GRIA1: variants seen among roughly 807,000 people sequenced by gnomAD.
GRIA1 encodes the protein glutamate ionotropic receptor AMPA type subunit 1.
Under a neutral mutation model 99.2 loss-of-function variants are expected in GRIA1, and 31 were observed. The ratio of observed to expected loss-of-function variants is 0.31; its 90% CI spans 0.23 to 0.42. GRIA1 has a LOEUF of 0.42. GRIA1 is among the 10% of genes least tolerant of loss of function. The pLI is 1.00. For synonymous variants in GRIA1, 438 were observed against 432.4 expected (o/e 1.01, Z -0.16); for missense variants, 782 against 1,157.5 (o/e 0.68, Z 4.71).
At chr5:153,519,307 C>A (rs541410176) in intron 2 of GRIA1, among the ~76,000 whole-genome samples, 1 of 151,950 alleles carries the variant, frequency 6.6e-6, no homozygotes, top group Non-Finnish European at 1.5e-5. Context: ...GGTCTCAGGC[C>A]GGACCTCCTG....
At chr5:153,570,136 T>C (rs1341419897) in intron 2 of GRIA1, among the ~76,000 whole-genome samples, 2 of 152,238 alleles carry the variant, frequency 1.3e-5, no homozygotes, top group East Asian at 3.8e-4. Flanking sequence ...AAATATTTTC[T>C]GTTTCTGTTC....
chr5:153,525,282 TG>T (rs1468010251), intron 2 of GRIA1: 1 of 152,260 alleles, frequency 6.6e-6, no homozygotes, highest in Non-Finnish European at 1.5e-5. Context: ...AACTCAGGAC[TG>T]GAGAACTACT....
chr5:153,563,174 CA>C (rs1167715880), intron 2 of GRIA1, among the ~76,000 whole-genome samples: 21,041 of 89,362 alleles, frequency 0.24, 1,359 homozygotes, highest in African/African-American at 0.29. Flanking sequence ...GACTCTGTCT[CA>C]AAAAAAAAAA....
chr5:153,649,654 G>T (rs1381711154), intron 3 of GRIA1, among the ~76,000 whole-genome samples: 3 of 151,992 alleles, frequency 2.0e-5, no homozygotes, highest in Non-Finnish European at 4.4e-5. Context: ...TAGAGATGGG[G>T]TTTCATCATG....
In GRIA1 at chr5:153,698,969, G is replaced by A; in HGVS notation, c.1348G>A (p.Val450Met). Residue 450 changes from valine to methionine, a missense_variant, in exon 10 of 16, where the codon GTG becomes ATG. Val to Met is a conservative substitution (Grantham distance 21, BLOSUM62 1). This residue lies in a region of GRIA1 where 87 missense variants were observed against 184.5 expected (regional missense o/e 0.47). Coordinates refer to ENST00000285900, the MANE Select transcript of GRIA1 (RefSeq NM_000827.4). ...VELAAEIAKHVGYSYRLEIVS... is the reference protein window; with the variant it reads ...VELAAEIAKHMGYSYRLEIVS... ...GCTGGCGGCAGAGATTGCCAAGCAC[G>A]TGGGCTACTCCTACCGTCTGGAGAT... The A allele has an allele frequency of 3.7e-6, 6 of 1,612,552 alleles. No individual in the cohort carries two copies. Among genetic ancestry groups the A allele is most frequent in the East Asian group, 2.2e-5 (1 of 44,764 alleles).
chr5:153,531,652 A>C (rs1407610206), intron 2 of GRIA1, among the ~76,000 whole-genome samples: 2 of 152,240 alleles, frequency 1.3e-5, no homozygotes, highest in Non-Finnish European at 2.9e-5. Context: ...CTAGAGGTAC[A>C]TAAGCAGAAG....
At chr5:153,531,619 A>C (rs1581184976) in intron 2 of GRIA1, among the ~76,000 whole-genome samples, 1 of 152,326 alleles carries the variant, frequency 6.6e-6, no homozygotes, top group East Asian at 1.9e-4. Context: ...GCACTTCCTC[A>C]GTAGGTACTA....
Position 153,685,033 on chromosome 5 carries a change from C to T in GRIA1, c.1030-1192C>T, listed in dbSNP as rs373115599. On this transcript the variant is annotated intron_variant, in intron 7 of 15. Transcript: ENST00000285900. Reference sequence around the variant, plus strand: ...CCCCAACTCTTCTTATACGTTCTAACAACAGAGGAGCTAGCCACTGTCAGA... The same window carrying T: ...CCCCAACTCTTCTTATACGTTCTAATAACAGAGGAGCTAGCCACTGTCAGA... Among the ~76,000 whole-genome samples, 77 of 152,312 alleles carry T rather than the reference C, an allele frequency of 5.1e-4. No homozygotes were observed. In the South Asian group the frequency reaches 0.015, roughly 30 times the overall value.
At chr5:153,724,426 G>C (rs1399986053) in intron 11 of GRIA1, among the ~76,000 whole-genome samples, 1 of 152,192 alleles carries the variant, frequency 6.6e-6, no homozygotes, top group Admixed American at 6.5e-5. Context: ...AGAGAGGAAG[G>C]CTTCAGACGA....
chr5:153,655,626 C>T (rs1299165475), intron 4 of GRIA1, among the ~76,000 whole-genome samples, 193 bp from the exon 5 acceptor site: 1 of 152,106 alleles, frequency 6.6e-6, no homozygotes, highest in Non-Finnish European at 1.5e-5. Flanking sequence ...AATAGGCAGT[C>T]CATGCCTATT....
At chr5:153,693,892 T>G (rs1466800334) in intron 8 of GRIA1, among the ~76,000 whole-genome samples, 2 of 152,230 alleles carry the variant, frequency 1.3e-5, no homozygotes, top group East Asian at 3.8e-4. Flanking sequence ...GTGCAATGTC[T>G]GTTCAAAAAT....
intron 2 of GRIA1, among the ~76,000 whole-genome samples, chr5:153,640,637 A>G (rs1753720038): frequency 6.6e-6 from 1 of 152,234 alleles, no homozygotes; most frequent in South Asian, 2.1e-4. Context: ...AATAGCAGTT[A>G]TGATCATTTA....
chr5:153,687,810 T>G (rs1454070886), intron 8 of GRIA1, among the ~76,000 whole-genome samples: 1 of 152,218 alleles, frequency 6.6e-6, no homozygotes, highest in Non-Finnish European at 1.5e-5. Flanking sequence ...GCCAATCTTA[T>G]CTCATTCATT....
chr5:153,706,156 G>C, intron 11 of GRIA1, 89 bp downstream of exon 11: 2 of 1,214,642 alleles, frequency 1.6e-6, no homozygotes, highest in South Asian at 2.7e-5. Flanking sequence ...GAAAAGTAAA[G>C]AGATGAATTA....
intron 10 of GRIA1, among the ~76,000 whole-genome samples, chr5:153,699,659 C>T (rs985837467): frequency 5.0e-4 from 76 of 152,188 alleles, no homozygotes; most frequent in African/African-American, 1.6e-3. Flanking sequence ...TAATTGTTCT[C>T]GCCTTCCCCT....
At chr5:153,690,811 C>T (rs914252127) in intron 8 of GRIA1, among the ~76,000 whole-genome samples, 29 of 152,180 alleles carry the variant, frequency 1.9e-4, no homozygotes, top group African/African-American at 6.5e-4. Context: ...TGGGCTTAAA[C>T]GTCCTTTGTT....
chr5:153,698,466 C>G (rs1475822450), intron 9 of GRIA1, among the ~76,000 whole-genome samples: 1 of 152,156 alleles, frequency 6.6e-6, no homozygotes, highest in Non-Finnish European at 1.5e-5. Context: ...TCAGTAGAAG[C>G]TATTTTCAAA....
intron 2 of GRIA1, among the ~76,000 whole-genome samples, chr5:153,622,900 G>C (rs1767197388): frequency 6.6e-6 from 1 of 152,152 alleles, no homozygotes; most frequent in Admixed American, 6.5e-5. Context: ...CAGAGGCCTA[G>C]ATGCGGCACC....
At chr5:153,665,800 C>T (rs1436085546) in intron 5 of GRIA1, among the ~76,000 whole-genome samples, 1 of 152,124 alleles carries the variant, frequency 6.6e-6, no homozygotes, top group Non-Finnish European at 1.5e-5. Flanking sequence ...AAAAGCAGAG[C>T]TACTATGGTG....
Sources: allele counts gnomAD v4.1 joint callset (sites outside exome capture counted in the v4.1 genomes callset), GRCh38; gene constraint gnomAD v4.1.1; regional missense constraint gnomAD v4.1.1; transcripts MANE v1.5; gene names NCBI Gene and HGNC (gene_info 2026-07-23, HGNC 2026-07-21).